Variants in CBLL1 observed in about 807,000 individuals in gnomAD.
CBLL1 encodes the protein E3 ubiquitin-protein ligase Hakai.
A neutral mutation model predicts 44.9 loss-of-function variants in CBLL1; 4 were observed. That is an observed-to-expected ratio of 0.09 (90% CI 0.04 to 0.20). The LOEUF is 0.20. Among genes scored for constraint, CBLL1 ranks in the 10% least tolerant of loss-of-function variants. The pLI is 1.00. For synonymous variants in CBLL1, 235 were observed against 202.2 expected, an observed-to-expected ratio of 1.16 and a Z score of -1.38; for missense variants, 569 against 636.7, an observed-to-expected ratio of 0.89 and a Z score of 1.14.
chr7:107,760,332 T>G lies in CBLL1; in HGVS notation c.*1154T>G, dbSNP rs1793716588. ...TAGGATTTTTCCTCTAACTTGAAAT[T>G]TAAAAACTTTTATTTCCTATTCCTT... On this transcript the variant is annotated 3_prime_UTR_variant, in exon 6 of 6. Transcript: ENST00000440859. The G allele has an allele frequency of 6.6e-6, 1 of 152,254 alleles. No individual in the cohort carries two copies. Among genetic ancestry groups the G allele is most frequent in the African/African-American group, 2.4e-5 (1 of 41,442 alleles). 9.4% of individuals were successfully genotyped at this position (152,254 alleles called of 1,614,324 possible).
chr7:107,758,456 C>T lies in CBLL1; in HGVS notation c.754C>T (p.His252Tyr). The change falls in exon 6 of 6, where the codon CAC becomes TAC. Residue 252 changes from histidine (H) to tyrosine (Y), a missense_variant. Around this residue, in one of 5 missense-constraint regions of CBLL1, gnomAD observed 111 missense variants for 113.0 expected, o/e 0.98. Transcript: ENST00000440859. The surrounding 1 kb of genome is among the most constrained non-coding windows in gnomAD (Gnocchi z 4.2). ...PPPLQHVPHE[H>Y]YNQPHEDIRA... is the part of the protein sequence containing the mutation. ...TCCTTTGCAACATGTGCCACATGAG[C>T]ACTATAATCAGCCACATGAGGATAT... The T allele has an allele frequency of 6.2e-7, 1 of 1,614,122 alleles. No individual in the cohort carries two copies. Among genetic ancestry groups the T allele is most frequent in the South Asian group, 1.1e-5 (1 of 91,068 alleles).
chr7:107,749,098 C>A, intron 2 of CBLL1, 51 bp downstream of exon 2: 1 of 1,546,700 alleles, frequency 6.5e-7, no homozygotes. Flanking sequence ...TATCTGATTG[C>A]TTCGGACAGT....
At chr7:107,747,021 A>G (rs979517452) in intron 1 of CBLL1, among the ~76,000 whole-genome samples, 3 of 152,212 alleles carry the variant, frequency 2.0e-5, no homozygotes, top group East Asian at 1.9e-4. Context: ...GTCACTTTCT[A>G]TGTAATATCT....
At chr7:107,756,274 A>G (rs1260647810) in intron 5 of CBLL1, among the ~76,000 whole-genome samples, 1 of 152,164 alleles carries the variant, frequency 6.6e-6, no homozygotes, top group African/African-American at 2.4e-5. Context: ...GATTTGTGGT[A>G]TTGATTGATA....
At position 107,748,946 on chromosome 7, in the gene CBLL1, C is replaced by T. The variant is rs2115610052; in HGVS notation, c.80C>T (p.Pro27Leu). ...GGTCTTGATGTTCGCAGACGAATTC[C>T]TATAAAGCTCATCTCCAAACAAGCA... ...LGGLDVRRRIPIKLISKQANK... is the reference protein window; with the variant it reads ...LGGLDVRRRILIKLISKQANK... Residue 27 changes from proline to leucine, a missense_variant, in exon 2 of 6, where the codon CCT (proline) becomes CTT (leucine). By Grantham distance (98) the Pro-to-Leu change is moderately conservative (BLOSUM62 -3). This residue lies in a region of CBLL1 where 209 missense variants were observed against 202.8 expected (regional missense o/e 1.03). Transcript: ENST00000440859. 1.9e-6 allele frequency: 3 copies of T among 1,614,086 alleles called. No individual in the cohort carries two copies. Among genetic ancestry groups the T allele is most frequent in the Non-Finnish European group, 2.5e-6 (3 of 1,179,972 alleles).
Position 107,758,423 on chromosome 7 carries a change from C to G in CBLL1, c.721C>G (p.Pro241Ala). ...TCCGCCAAAGCAGCACATCATGATG[C>G]CACCACCTCCTTTGCAACATGTGCC... The part of the protein sequence containing the change: ...HIPPKQHIMM[P>A]PPPLQHVPHE... Residue 241 changes from proline (P) to alanine (A), a missense_variant, in exon 6 of 6, where the codon CCA becomes GCA. This residue lies in a region of CBLL1 where 111 missense variants were observed against 113.0 expected (regional missense o/e 0.98). Coordinates refer to ENST00000440859, the MANE Select transcript of CBLL1 (RefSeq NM_024814.4). This position sits in a 1 kb window ranked among gnomAD's most constrained non-coding sequence, Gnocchi z 4.2. The G allele has an allele frequency of 6.2e-7, 1 of 1,614,130 alleles. No homozygotes were observed. The highest frequency in any genetic ancestry group is 8.5e-7 in the Non-Finnish European group (1 of 1,180,026).
chr7:107,759,176 T>C lies in CBLL1; in HGVS notation c.1474T>C (p.Ter492ArgextTer1). The C allele has an allele frequency of 6.3e-7, 1 of 1,587,656 alleles. No individual in the cohort carries two copies. Among genetic ancestry groups the C allele is most frequent in the Non-Finnish European group, 8.6e-7 (1 of 1,166,078 alleles). ...DQTRYRPYYQ[*>R] Reference sequence around the variant, plus strand: ...GACAAGATATAGACCGTATTACCAATGATAATAGTATTTTGAATGGAAGAT... The same window carrying C: ...GACAAGATATAGACCGTATTACCAACGATAATAGTATTTTGAATGGAAGAT... Residue 492 changes from the stop codon to arginine (R), a stop_lost, in exon 6 of 6, where the codon TGA becomes CGA. Coordinates refer to ENST00000440859, the MANE Select transcript of CBLL1 (RefSeq NM_024814.4).
In CBLL1 at chr7:107,761,130, CA is replaced by C. The variant is rs1409983141; in HGVS notation, c.*1955del. 1 of 152,086 alleles carries C rather than the reference CA, an allele frequency of 6.6e-6. No homozygotes were observed. The highest frequency in any genetic ancestry group is 1.5e-5 in the Non-Finnish European group (1 of 67,860). The allele number at this position is 152,086 out of a possible 1,614,324, so 9.4% of individuals were successfully genotyped here. ...TATTAAAATATTACTGTTAAAAATCCAAACCATTCTTTGTTCCATGTAATAA... is the reference window on the plus strand; with the variant it reads ...TATTAAAATATTACTGTTAAAAATCCAACCATTCTTTGTTCCATGTAATAA... On this transcript the variant is annotated 3_prime_UTR_variant, in exon 6 of 6. Transcript: ENST00000440859.
chr7:107,758,221 G>A lies in CBLL1; in HGVS notation c.519G>A (p.Lys173=). The change falls in exon 6 of 6, where the codon AAG becomes AAA. Residue 173 remains lysine (K), a synonymous_variant. Transcript: ENST00000440859. The surrounding 1 kb of genome is among the most constrained non-coding windows in gnomAD (Gnocchi z 4.2). ...LFMCSIVQGC[K]RTYLSQRDLQ... is the part of the protein sequence containing the mutation. ...TGTGTAGCATTGTTCAAGGGTGCAA[G>A]AGAACATATTTGTCTCAGAGAGACT... The A allele has an allele frequency of 1.9e-6, 3 of 1,614,160 alleles. No individual in the cohort carries two copies. Among genetic ancestry groups the A allele is most frequent in the African/African-American group, 2.7e-5 (2 of 75,042 alleles).
intron 5 of CBLL1, among the ~76,000 whole-genome samples, chr7:107,756,338 T>G (rs1415779964): frequency 6.6e-6 from 1 of 152,132 alleles, no homozygotes; most frequent in Non-Finnish European, 1.5e-5. Context: ...GTAGGAAAAT[T>G]TGACGTCACC....
chr7:107,753,766 G>A, intron 3 of CBLL1, 129 bp from the exon 4 acceptor site: 1 of 552,462 alleles, frequency 1.8e-6, no homozygotes, highest in Non-Finnish European at 3.0e-6. Context: ...GGAATAAATG[G>A]AGATTATACC....
rs780225140 is a variant in CBLL1 at position 107,753,447 on chromosome 7, G to A, written c.218G>A (p.Cys73Tyr). Residue 73 changes from cysteine to tyrosine, a missense_variant, in exon 3 of 6, where the codon TGT becomes TAT. Physicochemically the swap from Cys to Tyr is radical, Grantham distance 194. Around this residue, in one of 5 missense-constraint regions of CBLL1, gnomAD observed 209 missense variants for 202.8 expected, o/e 1.03. Coordinates refer to ENST00000440859, the MANE Select transcript of CBLL1 (RefSeq NM_024814.4). Reference protein sequence around the residue: ...FDYNEEERYDCKGGELFANQR... With the variant: ...FDYNEEERYDYKGGELFANQR... ...TATAATGAAGAAGAACGGTATGACT[G>A]TAAAGGGGGTGAGCTGTTTGCAAAT... The A allele has an allele frequency of 1.9e-6, 3 of 1,591,838 alleles. No individual in the cohort carries two copies. Among genetic ancestry groups the A allele is most frequent in the South Asian group, 1.2e-5 (1 of 86,088 alleles).
In CBLL1 at chr7:107,759,806, C is replaced by G. The variant is rs1205530825; in HGVS notation, c.*628C>G. On this transcript the variant is annotated 3_prime_UTR_variant, in exon 6 of 6. Transcript: ENST00000440859. The stretch of plus-strand genomic sequence containing the variant: ...TATACAATGCACTTCACTTGGATGC[C>G]TTTTCATTTTTAGGCAGCCTCAGGA... 2 of 152,180 alleles carry G rather than the reference C, an allele frequency of 1.3e-5. No individual in the cohort carries two copies. Among genetic ancestry groups the G allele is most frequent in the Non-Finnish European group, 2.9e-5 (2 of 68,008 alleles). 9.4% of individuals were successfully genotyped at this position (152,180 alleles called of 1,614,324 possible).
At chr7:107,752,580 C>A (rs1448255787) in intron 2 of CBLL1, 4 of 1,289,248 alleles carry the variant, frequency 3.1e-6, no homozygotes, top group Non-Finnish European at 2.0e-6. Flanking sequence ...AGCCTGGCTC[C>A]TTGGAGGGAT....
Position 107,753,851 on chromosome 7 carries a change from T to C in CBLL1, c.283-44T>C, listed in dbSNP as rs780164413. 3 of 1,238,884 alleles carry C rather than the reference T, an allele frequency of 2.4e-6. No individual in the cohort carries two copies. The South Asian group carries it at 4.1e-5, about 17-fold the overall frequency. 76.7% of individuals were successfully genotyped at this position (1,238,884 alleles called of 1,614,324 possible). On this transcript the variant is annotated intron_variant, in intron 3 of 5. Coordinates refer to ENST00000440859, the MANE Select transcript of CBLL1 (RefSeq NM_024814.4). ...CAATTCATTGTGTAGATACAATCTT[T>C]AGAATTGTGTAAGAAGGTAATTTTA...
At chr7:107,756,835 T>C (rs79589726) in intron 5 of CBLL1, among the ~76,000 whole-genome samples, 2,135 of 152,262 alleles carry the variant, frequency 0.014, 38 homozygotes, top group African/African-American at 0.049. Context: ...TGGTCCTTAG[T>C]AGCAATTTTA....
rs770432448 is a variant in CBLL1, at chr7:107,753,874, TTAATTA to T, written c.283-18_283-13del. On this transcript the variant is annotated splice_polypyrimidine_tract_variant and intron_variant, in intron 3 of 5. Transcript: ENST00000440859. ...TTTAGAATTGTGTAAGAAGGTAATT[TTAATTA>T]TATCATTTCAACAGATAAACATCTT... is the stretch of plus-strand genomic sequence containing the variant. 335 of 1,469,180 alleles carry T rather than the reference TTAATTA, an allele frequency of 2.3e-4. No homozygotes were observed. The highest frequency in any genetic ancestry group is 3.0e-4 in the Non-Finnish European group (316 of 1,070,962). 91.0% of individuals were successfully genotyped at this position (1,469,180 alleles called of 1,614,324 possible). A position where few individuals can be genotyped will look rare whatever the true frequency, so the allele number is the denominator to read the frequency against.
In CBLL1 at chr7:107,759,210, G is replaced by T. The variant is rs371380571; in HGVS notation, c.*32G>T. The T allele has an allele frequency of 1.2e-5, 19 of 1,524,766 alleles. No homozygotes were observed. The African/African-American group carries it at 1.5e-4, about 12-fold the overall frequency. 94.5% of individuals were successfully genotyped at this position (1,524,766 alleles called of 1,614,324 possible). A position where few individuals can be genotyped will look rare whatever the true frequency, so the allele number is the denominator to read the frequency against. On this transcript the variant is annotated 3_prime_UTR_variant, in exon 6 of 6. Coordinates refer to ENST00000440859, the MANE Select transcript of CBLL1 (RefSeq NM_024814.4). ...TATTTTGAATGGAAGATATGAGGGG[G>T]AAAAAAACTTATGTGTAGTCAATCT...
Position 107,759,906 on chromosome 7 carries a change from G to T in CBLL1, c.*728G>T, listed in dbSNP as rs546724002. ...GTTAAAAGACATTACTAATTATTTG[G>T]AAAGAGATGGCCAAAATAATCAACT... On this transcript the variant is annotated 3_prime_UTR_variant, in exon 6 of 6. Coordinates refer to ENST00000440859, the MANE Select transcript of CBLL1 (RefSeq NM_024814.4). 5 of 152,264 alleles carry T rather than the reference G, an allele frequency of 3.3e-5. No homozygotes were observed. The highest frequency in any genetic ancestry group is 5.9e-5 in the Non-Finnish European group (4 of 67,994). The allele number at this position is 152,264 out of a possible 1,614,324, so 9.4% of individuals were successfully genotyped here.
Sources: allele counts gnomAD v4.1 joint callset (sites outside exome capture counted in the v4.1 genomes callset), GRCh38; gene constraint gnomAD v4.1.1; regional missense constraint gnomAD v4.1.1; non-coding constraint Gnocchi (gnomAD v3.1); transcripts MANE v1.5; gene names NCBI Gene and HGNC (gene_info 2026-07-23, HGNC 2026-07-21).